PHACTR3: variants seen among roughly 807,000 people sequenced by gnomAD.
PHACTR3 encodes protein phosphatase 1, regulatory subunit 123.
In PHACTR3, 16 loss-of-function variants were observed where a neutral mutation model predicts 66.8. That is an observed-to-expected ratio of 0.24 (90% confidence interval 0.16 to 0.36). The LOEUF (loss-of-function observed/expected upper bound fraction) is 0.36. PHACTR3 is among the 10% of genes least tolerant of loss of function. The pLI is 1.00. For synonymous variants in PHACTR3, 323 were observed against 292.1 expected (o/e 1.11, Z -1.08); for missense variants, 647 against 719.9 (o/e 0.90, Z 1.16).
rs143497393 is a variant in PHACTR3, at chr20:59,652,420, A to C, written c.118+47288A>C. Among the ~76,000 whole-genome samples the C allele has an allele frequency of 4.6e-3, 694 of 152,276 alleles. 6 individuals are homozygous for C. Among genetic ancestry groups the C allele is most frequent in the African/African-American group, 0.016 (659 of 41,564 alleles). On this transcript the variant is annotated intron_variant, in intron 1 of 12. Coordinates refer to ENST00000371015, the MANE Select transcript of PHACTR3 (RefSeq NM_080672.5). The stretch of plus-strand genomic sequence containing the variant: ...AAATTAGCTGGGCATGGTGGCACAC[A>C]CTTGTCTGTAGTGCCAGCTACTCAG...
intron 8 of PHACTR3, among the ~76,000 whole-genome samples, chr20:59,828,877 T>C (rs1294332311): frequency 6.6e-6 from 1 of 151,890 alleles, no homozygotes. Context: ...AGTGTGGAAG[T>C]CTCCATCATC....
At chr20:59,755,090 A>T in intron 3 of PHACTR3, 92 bp from the exon 4 acceptor site, 1 of 1,335,824 alleles carries the variant, frequency 7.5e-7, no homozygotes, top group Non-Finnish European at 1.0e-6. Flanking sequence ...CCCAGAGCCT[A>T]GAATGGATAC....
At chr20:59,645,243 A>AC (rs1458294018) in intron 1 of PHACTR3, among the ~76,000 whole-genome samples, 2 of 74,368 alleles carry the variant, frequency 2.7e-5, no homozygotes, top group Non-Finnish European at 5.5e-5. Flanking sequence ...TTTTTTTTTT[A>AC]CCCACTCTCT....
intron 1 of PHACTR3, among the ~76,000 whole-genome samples, chr20:59,589,184 A>G (rs1463238763): frequency 6.6e-6 from 1 of 152,218 alleles, no homozygotes; most frequent in Non-Finnish European, 1.5e-5. Context: ...TGCCAAATAG[A>G]GAAGTGAATG....
intron 10 of PHACTR3, 127 bp from the exon 11 acceptor site, chr20:59,841,259 GTATTTGGGT>G (rs2059055380): frequency 1.3e-6 from 1 of 790,958 alleles, no homozygotes; most frequent in African/African-American, 1.7e-5. Context: ...GAGATTGCTT[GTATTTGGGT>G]TATATTTTCC....
Position 59,773,336 on chromosome 20 carries a change from G to A in PHACTR3, c.809G>A (p.Gly270Asp), listed in dbSNP as rs747154584. 21 of 1,614,022 alleles carry A rather than the reference G, an allele frequency of 1.3e-5. No homozygotes were observed. The Admixed American group carries it at 3.0e-4, about 23-fold the overall frequency. Residue 270 changes from glycine (G) to aspartate (D), a missense_variant, in exon 6 of 13, where the codon GGC (glycine) becomes GAC (aspartate). Coordinates refer to ENST00000371015, the MANE Select transcript of PHACTR3 (RefSeq NM_080672.5). ...SMKSADPSLR[G>D]QLSTPTGSPH... ...AAGAGTGCCGACCCTTCCCTCCGGGGCCAGCTCTCCACACCCACGGGGTCT... is the reference window on the plus strand; with the variant it reads ...AAGAGTGCCGACCCTTCCCTCCGGGACCAGCTCTCCACACCCACGGGGTCT...
At chr20:59,749,472 G>C (rs2039497592) in intron 3 of PHACTR3, among the ~76,000 whole-genome samples, 1 of 152,212 alleles carries the variant, frequency 6.6e-6, no homozygotes, top group South Asian at 2.1e-4. Flanking sequence ...GCAGAGGCTG[G>C]AGACGAATGC....
intron 7 of PHACTR3, among the ~76,000 whole-genome samples, chr20:59,790,040 G>A (rs958290055): frequency 6.6e-6 from 1 of 152,196 alleles, no homozygotes; most frequent in African/African-American, 2.4e-5. Flanking sequence ...TTGAGAAAAA[G>A]ATATCTCATC....
chr20:59,817,736 C>G (rs2145406485), intron 8 of PHACTR3, among the ~76,000 whole-genome samples: 1 of 152,326 alleles, frequency 6.6e-6, no homozygotes, highest in East Asian at 1.9e-4. Flanking sequence ...GCCAGAATTT[C>G]CAAGAGAAAC....
At chr20:59,676,655 A>G (rs2036459265) in intron 1 of PHACTR3, 3 of 984,144 alleles carry the variant, frequency 3.0e-6, no homozygotes, top group Non-Finnish European at 3.6e-6. Flanking sequence ...CTCTTTGCCA[A>G]TCTTGACCTT....
At chr20:59,743,291 G>C (rs769182408) in intron 2 of PHACTR3, 23 bp downstream of exon 2, 2 of 1,612,244 alleles carry the variant, frequency 1.2e-6, no homozygotes, top group Admixed American at 1.7e-5. Context: ...TGACAGGCGC[G>C]GGCAGGCTGT....
chr20:59,602,625 C>G (rs572237167), upstream of PHACTR3, among the ~76,000 whole-genome samples: 4 of 152,230 alleles, frequency 2.6e-5, no homozygotes, highest in Admixed American at 1.3e-4. Flanking sequence ...TCCTCCCCCC[C>G]ACCTATAGCC....
intron 3 of PHACTR3, among the ~76,000 whole-genome samples, chr20:59,750,611 A>G (rs2039543749): frequency 6.6e-6 from 1 of 152,130 alleles, no homozygotes; most frequent in Non-Finnish European, 1.5e-5. Context: ...TTCCCTGCCC[A>G]CACACCGGCT....
chr20:59,611,574 AAGG>A (rs144094385), intron 1 of PHACTR3, among the ~76,000 whole-genome samples: 90 of 152,156 alleles, frequency 5.9e-4, no homozygotes, highest in African/African-American at 1.9e-3. Flanking sequence ...ATGGTGGAGG[AAGG>A]AGGAGGAGGA....
Position 59,847,105 on chromosome 20 carries a change from TA to T in PHACTR3, c.1665-8del. ...AACCTTAAATTCTTTGTCTTTTTTA[TA>T]ATCTCTAGATTCCACAGGCCATAGA... On this transcript the variant is annotated splice_polypyrimidine_tract_variant and intron_variant, in intron 12 of 12. Coordinates refer to ENST00000371015, the MANE Select transcript of PHACTR3 (RefSeq NM_080672.5). The T allele has an allele frequency of 6.6e-7, 1 of 1,513,180 alleles. No homozygotes were observed. The highest frequency in any genetic ancestry group is 9.1e-7 in the Non-Finnish European group (1 of 1,094,448). The allele number at this position is 1,513,180 out of a possible 1,614,324, so 93.7% of individuals were successfully genotyped here.
At chr20:59,724,730 GT>G (rs2038495195) in intron 1 of PHACTR3, among the ~76,000 whole-genome samples, 1 of 152,188 alleles carries the variant, frequency 6.6e-6, no homozygotes, top group South Asian at 2.1e-4. Flanking sequence ...AGTTTCTCCA[GT>G]TCCAGTACAC....
chr20:59,623,339 A>G (rs901312556), intron 1 of PHACTR3, among the ~76,000 whole-genome samples: 1 of 152,052 alleles, frequency 6.6e-6, no homozygotes. Context: ...AATGGGAACT[A>G]TAGTATTGTA....
At chr20:59,628,838 G>GT (rs2034560210) in intron 1 of PHACTR3, 3 of 983,236 alleles carry the variant, frequency 3.1e-6, no homozygotes, top group Non-Finnish European at 3.6e-6. Flanking sequence ...TTTTTTGTTT[G>GT]TTTTTAATAC....
chr20:59,625,115 C>T (rs73914735), intron 1 of PHACTR3, among the ~76,000 whole-genome samples: 99 of 152,160 alleles, frequency 6.5e-4, no homozygotes, highest in African/African-American at 2.2e-3. Context: ...CAATCCAGAA[C>T]TTCTTTTTAA....
Sources: gnomAD v4.1 joint callset for allele counts (sites outside exome capture counted in the v4.1 genomes callset) on GRCh38, gnomAD v4.1.1 for gene constraint, MANE v1.5 for transcripts, NCBI Gene and HGNC (gene_info 2026-07-23, HGNC 2026-07-21) for gene names.